The following VWA8 variants were observed in gnomAD, a reference collection of about 807,000 sequenced individuals.
VWA8 encodes the protein von Willebrand factor A domain-containing protein 8.
A neutral mutation model predicts 241.5 loss-of-function variants in VWA8; 221 were observed. That is an observed-to-expected ratio of 0.91 (90% CI 0.82 to 1.02). The LOEUF is 1.02. Among genes scored for constraint, VWA8 ranks in the 50% least tolerant of loss-of-function variants. VWA8 has a pLI of 0.00. For synonymous variants in VWA8, 852 were observed against 827.1 expected (o/e 1.03, Z -0.52); for missense variants, 2,322 against 2,328.7 (o/e 1.00, Z 0.06).
chr13:41,764,641 G>A (rs1025248034), intron 20 of VWA8, among the ~76,000 whole-genome samples: 13 of 152,094 alleles, frequency 8.5e-5, no homozygotes, highest in African/African-American at 2.9e-4. Context: ...AAAGGGGAGT[G>A]ATACAGGTAG....
intron 20 of VWA8, among the ~76,000 whole-genome samples, chr13:41,771,417 C>A (rs1349875130): frequency 6.6e-6 from 1 of 152,044 alleles, no homozygotes; most frequent in Non-Finnish European, 1.5e-5. Flanking sequence ...GCCACCTCGC[C>A]CAGCCTAAAA....
At chr13:41,836,991 A>G (rs1047558054) in intron 12 of VWA8, among the ~76,000 whole-genome samples, 1 of 152,156 alleles carries the variant, frequency 6.6e-6, no homozygotes, top group African/African-American at 2.4e-5. Context: ...TCATATTAGA[A>G]AGAGCCATTC....
chr13:41,633,831 C>T (rs952106804), intron 37 of VWA8, among the ~76,000 whole-genome samples: 1 of 152,040 alleles, frequency 6.6e-6, no homozygotes, highest in African/African-American at 2.4e-5. Flanking sequence ...TGTGTTAGTT[C>T]TCCATTTTCT....
intron 17 of VWA8, among the ~76,000 whole-genome samples, chr13:41,805,743 G>A (rs1870162464): frequency 6.6e-6 from 1 of 152,094 alleles, no homozygotes; most frequent in Non-Finnish European, 1.5e-5. Context: ...GAACCTGGGA[G>A]GCGGAGGTTG....
intron 40 of VWA8, among the ~76,000 whole-genome samples, chr13:41,595,339 G>T (rs951244429): frequency 6.6e-6 from 1 of 152,148 alleles, no homozygotes; most frequent in Non-Finnish European, 1.5e-5. Flanking sequence ...GAGAGTAAGG[G>T]AGAGGGAAAC....
chr13:41,921,191 T>A (rs1340037396), intron 2 of VWA8, among the ~76,000 whole-genome samples: 1 of 152,150 alleles, frequency 6.6e-6, no homozygotes, highest in Non-Finnish European at 1.5e-5. Context: ...AAAAACCACA[T>A]GATTATCTCA....
intron 6 of VWA8, 110 bp downstream of exon 6, chr13:41,887,087 G>T: frequency 7.9e-7 from 1 of 1,262,472 alleles, no homozygotes. Context: ...ATCTTTCCAT[G>T]ACCTACTCAG....
At position 41,699,133 on chromosome 13, in the gene VWA8, A is replaced by T. The variant is rs1200645968; in HGVS notation, c.3502T>A (p.Phe1168Ile). 6.2e-7 allele frequency: 1 copy of T among 1,614,022 alleles called. No homozygotes were observed. The highest frequency in any genetic ancestry group is 1.3e-5 in the African/African-American group (1 of 74,916). Residue 1168 changes from phenylalanine (F) to isoleucine (I), a missense_variant, in exon 29 of 45, where the codon TTT becomes ATT. By Grantham distance (21) the Phe-to-Ile change is conservative. Coordinates refer to ENST00000379310, the MANE Select transcript of VWA8 (RefSeq NM_015058.2). The stretch of plus-strand genomic sequence containing the variant: ...CTTCCCAGCGGTGCCACTGTCACAA[A>T]AGGGTGCCAAACGCCATTGGCTGTT... ...PRTANGVWHP[F>I]VTVAPLGSPL...
chr13:41,888,700 TGTGCA>T, intron 5 of VWA8, among the ~76,000 whole-genome samples: 1 of 152,258 alleles, frequency 6.6e-6, no homozygotes, highest in African/African-American at 2.4e-5. Flanking sequence ...ATTATTTATT[TGTGCA>T]TTTGCTTCTA....
chr13:41,722,929 T>C (rs1055406265), intron 24 of VWA8, among the ~76,000 whole-genome samples: 5 of 152,092 alleles, frequency 3.3e-5, no homozygotes, highest in Admixed American at 6.6e-5. Context: ...GTGGGAGACA[T>C]ACTGTGTAGG....
At position 41,882,169 on chromosome 13, in the gene VWA8, C is replaced by T. The variant is rs552486288; in HGVS notation, c.1080+1218G>A. 1.8e-4 allele frequency among the ~76,000 whole-genome samples: 26 copies of T among 145,890 alleles called. No homozygotes were observed. In the South Asian group the frequency reaches 4.0e-3, roughly 22 times the overall value. On this transcript the variant is annotated intron_variant, in intron 9 of 44. Transcript: ENST00000379310. Reference sequence around the variant, plus strand: ...GGTGCTCCTCACATCCCAGACGGGGCGGCAGGGCAGAGGCTCTCCCCACAT... The same window carrying T: ...GGTGCTCCTCACATCCCAGACGGGGTGGCAGGGCAGAGGCTCTCCCCACAT...
At chr13:41,939,898 A>C (rs980064799) in intron 2 of VWA8, among the ~76,000 whole-genome samples, 11 of 152,208 alleles carry the variant, frequency 7.2e-5, no homozygotes, top group Non-Finnish European at 1.6e-4. Flanking sequence ...TAAACAATAA[A>C]TTTGATAAAG....
At position 41,789,369 on chromosome 13, in the gene VWA8, T is replaced by C. The variant is rs368151189; in HGVS notation, c.2064-1826A>G. ...GCTTCCCAAAACCAAAGCAAGCACATACCCTGTTGCAAATTTTCCAAGTGT... is the reference window on the plus strand; with the variant it reads ...GCTTCCCAAAACCAAAGCAAGCACACACCCTGTTGCAAATTTTCCAAGTGT... On this transcript the variant is annotated intron_variant, in intron 17 of 44. Coordinates refer to ENST00000379310, the MANE Select transcript of VWA8 (RefSeq NM_015058.2). Among the ~76,000 whole-genome samples, 104 of 152,282 alleles carry C rather than the reference T, an allele frequency of 6.8e-4. 1 individual carries two copies. Among genetic ancestry groups the C allele is most frequent in the Middle Eastern group, 3.4e-3 (1 of 294 alleles).
At chr13:41,648,056 G>A (rs1655506922) in intron 37 of VWA8, among the ~76,000 whole-genome samples, 1 of 152,002 alleles carries the variant, frequency 6.6e-6, no homozygotes, top group Non-Finnish European at 1.5e-5. Context: ...CCACCACCTA[G>A]GAGAAAATAT....
intron 44 of VWA8, 88 bp from the exon 45 acceptor site, chr13:41,568,393 G>C: frequency 1.9e-6 from 2 of 1,026,322 alleles, no homozygotes; most frequent in Non-Finnish European, 3.0e-6. Flanking sequence ...CCCCCTAATG[G>C]TTTCTTAGGA....
At chr13:41,898,067 AC>A (rs1193444779) in intron 4 of VWA8, among the ~76,000 whole-genome samples, 6 of 152,190 alleles carry the variant, frequency 3.9e-5, no homozygotes, top group African/African-American at 7.2e-5. Context: ...ATAGCTAGAT[AC>A]AGAGTGTCGA....
chr13:41,580,719 C>T (rs540320682), intron 42 of VWA8, among the ~76,000 whole-genome samples: 1 of 152,164 alleles, frequency 6.6e-6, no homozygotes, highest in Non-Finnish European at 1.5e-5. Context: ...CAACTAAGAG[C>T]CCTGAAGTGG....
intron 2 of VWA8, among the ~76,000 whole-genome samples, chr13:41,932,696 A>G (rs1566044029): frequency 1.3e-5 from 2 of 151,880 alleles, no homozygotes; most frequent in East Asian, 1.9e-4. Context: ...ATTAATAAAC[A>G]AAAAAGAAAA....
intron 21 of VWA8, among the ~76,000 whole-genome samples, chr13:41,735,138 T>C: frequency 6.6e-6 from 1 of 152,260 alleles, no homozygotes; most frequent in African/African-American, 2.4e-5. Context: ...ATAGATGTGT[T>C]CACACAGATT....
Sources: gnomAD v4.1 joint callset for allele counts (sites outside exome capture counted in the v4.1 genomes callset) on GRCh38, gnomAD v4.1.1 for gene constraint, MANE v1.5 for transcripts, NCBI Gene and HGNC (gene_info 2026-07-23, HGNC 2026-07-21) for gene names.